GFRA2: variants seen among roughly 807,000 people sequenced by gnomAD.
GFRA2 encodes the protein GDNF family receptor alpha-2.
In GFRA2, 17 loss-of-function variants were observed where a neutral mutation model predicts 48.3. The ratio of observed to expected loss-of-function variants is 0.35; its 90% CI spans 0.24 to 0.53. The LOEUF is 0.53. Ranked by LOEUF, GFRA2 falls within the 20% of genes least tolerant of loss-of-function variation. The pLI is 0.93. For missense variants in GFRA2, 660 were observed against 637.3 expected, an observed-to-expected ratio of 1.04 and a Z score of -0.38; for synonymous variants, 305 against 257.2, an observed-to-expected ratio of 1.19 and a Z score of -1.78.
intron 4 of GFRA2, among the ~76,000 whole-genome samples, chr8:21,716,316 A>AG (rs1432122746): frequency 3.3e-5 from 5 of 151,518 alleles, no homozygotes; most frequent in Admixed American, 3.3e-4. Flanking sequence ...AAGAAAAAAA[A>AG]AAAAAGACAG....
At chr8:21,790,185 G>C (rs951863940), upstream of GFRA2, 19 of 784,542 alleles carry the variant, frequency 2.4e-5, no homozygotes, top group African/African-American at 2.8e-4. Flanking sequence ...CGGCGAGAGC[G>C]GGAGAGGCGC....
intron 2 of GFRA2, among the ~76,000 whole-genome samples, chr8:21,803,696 A>G (rs1807809592): frequency 6.6e-6 from 1 of 152,204 alleles, no homozygotes; most frequent in African/African-American, 2.4e-5. Context: ...GCAGTGGCAC[A>G]ATCATAGCTC....
At chr8:21,760,308 AAGG>A (rs1157286867) in intron 3 of GFRA2, among the ~76,000 whole-genome samples, 5 of 152,202 alleles carry the variant, frequency 3.3e-5, no homozygotes, top group Non-Finnish European at 5.9e-5. Context: ...TGAAGCAGAA[AAGG>A]AGACCAGTCA....
intron 3 of GFRA2, 26 bp downstream of exon 3, chr8:21,774,946 C>G (rs911665251): frequency 4.4e-6 from 6 of 1,350,940 alleles, no homozygotes; most frequent in Non-Finnish European, 6.4e-6. Context: ...GGAGAACGGG[C>G]CAAGTCCCAG....
intron 3 of GFRA2, among the ~76,000 whole-genome samples, chr8:21,761,850 T>G (rs1477937841): frequency 6.6e-6 from 1 of 152,064 alleles, no homozygotes; most frequent in East Asian, 1.9e-4. Flanking sequence ...CTCGGGAGGC[T>G]GAGGCACGAG....
intron 4 of GFRA2, among the ~76,000 whole-genome samples, chr8:21,744,299 G>A (rs1804887945): frequency 6.6e-6 from 1 of 152,210 alleles, no homozygotes; most frequent in South Asian, 2.1e-4. Context: ...GACAAGGGCA[G>A]TGTCCACTGC....
At chr8:21,737,750 C>T (rs1439666887) in intron 4 of GFRA2, among the ~76,000 whole-genome samples, 1 of 152,162 alleles carries the variant, frequency 6.6e-6, no homozygotes, top group African/African-American at 2.4e-5. Context: ...CCACACCACT[C>T]TCCCTGGCTC....
At chr8:21,749,277 A>C in intron 4 of GFRA2, among the ~76,000 whole-genome samples, 1 of 150,946 alleles carries the variant, frequency 6.6e-6, no homozygotes, top group East Asian at 1.9e-4. Context: ...TAATGAGGCT[A>C]CACTTGGTAA....
chr8:21,706,335 GCT>G (rs1204968399), intron 4 of GFRA2: 1 of 534,988 alleles, frequency 1.9e-6, no homozygotes, highest in African/African-American at 1.9e-5. Flanking sequence ...GCTCTAAATG[GCT>G]CTTTTAGGCT....
intron 4 of GFRA2, among the ~76,000 whole-genome samples, chr8:21,708,168 G>A (rs1024760689): frequency 4.6e-5 from 7 of 152,240 alleles, no homozygotes; most frequent in Non-Finnish European, 7.3e-5. Flanking sequence ...TGCACCTCAG[G>A]AAAGCAATGT....
intron 2 of GFRA2, among the ~76,000 whole-genome samples, chr8:21,798,479 T>G (rs1807715881): frequency 6.6e-6 from 1 of 152,154 alleles, no homozygotes; most frequent in Admixed American, 6.5e-5. Context: ...CCAGTTCACC[T>G]CATGGAATGA....
At chr8:21,794,996 G>GCAC (rs1363682446) in intron 2 of GFRA2, among the ~76,000 whole-genome samples, 3 of 152,194 alleles carry the variant, frequency 2.0e-5, no homozygotes, top group African/African-American at 7.2e-5. Flanking sequence ...TTAGAGGTAG[G>GCAC]CACCGGCAGG....
chr8:21,773,440 A>T (rs1390292397), intron 3 of GFRA2, among the ~76,000 whole-genome samples: 2 of 152,102 alleles, frequency 1.3e-5, no homozygotes, highest in African/African-American at 4.8e-5. Flanking sequence ...GGCATCCAAG[A>T]TTTCTCCCAC....
rs148033575 is a variant in GFRA2, at chr8:21,750,071, A to ATGTG, written c.794+513_794+516dup. ...TATGTAAGTATATATATGTGTATAT[A>ATGTG]TGTGTGTGTGTGTGTATACACACAC... On this transcript the variant is annotated intron_variant, in intron 4 of 8. Coordinates refer to ENST00000524240, the MANE Select transcript of GFRA2 (RefSeq NM_001495.5). The surrounding 1 kb of genome is among the most constrained non-coding windows in gnomAD (Gnocchi z 5.7). Among the ~76,000 whole-genome samples the ATGTG allele has an allele frequency of 6.0e-5, 9 of 149,932 alleles. No individual in the cohort carries two copies. Among genetic ancestry groups the ATGTG allele is most frequent in the African/African-American group, 1.2e-4 (5 of 40,580 alleles).
Position 21,692,835 on chromosome 8 carries a change from C to G in GFRA2, c.*443G>C, listed in dbSNP as rs1801939970. 6.5e-6 allele frequency: 1 copy of G among 153,234 alleles called. No homozygotes were observed. The highest frequency in any genetic ancestry group is 2.4e-5 in the African/African-American group (1 of 41,502). The allele number at this position is 153,234 out of a possible 1,614,324, so 9.5% of individuals were successfully genotyped here. A position where few individuals can be genotyped will look rare whatever the true frequency, so the allele number is the denominator to read the frequency against. On this transcript the variant is annotated 3_prime_UTR_variant, in exon 9 of 9. Transcript: ENST00000524240. ...AGCCCCGCTGCCCCGCTGACCGATGCCCTCTGCCAGCCCCCAGCGGGTCCC... is the reference window on the plus strand; with the variant it reads ...AGCCCCGCTGCCCCGCTGACCGATGGCCTCTGCCAGCCCCCAGCGGGTCCC...
In GFRA2 at chr8:21,795,299, G is replaced by T. The variant is rs1316660029; in HGVS notation, c.-35-7105C>A. On this transcript the variant is annotated intron_variant, in intron 2 of 10. Coordinates refer to the GFRA2 transcript ENST00000517328. ...GAAGTCCTTACAACATCCCTGGGAG[G>T]GGGGCGTGAGAGAATTAATTTCCCT... Among the ~76,000 whole-genome samples the T allele has an allele frequency of 3.9e-5, 6 of 152,240 alleles. No homozygotes were observed. The East Asian group carries it at 9.6e-4, about 24-fold the overall frequency.
chr8:21,793,281 A>T (rs1807609926), upstream of GFRA2, among the ~76,000 whole-genome samples: 1 of 152,154 alleles, frequency 6.6e-6, no homozygotes, highest in African/African-American at 2.4e-5. Flanking sequence ...GATTGATCTG[A>T]TGACTGTGTG....
At chr8:21,789,584 G>A (rs1156254612), upstream of GFRA2, among the ~76,000 whole-genome samples, 4 of 152,176 alleles carry the variant, frequency 2.6e-5, no homozygotes, top group Admixed American at 1.3e-4. Flanking sequence ...GCCAGGGAAA[G>A]GAATTATCCC....
chr8:21,701,470 A>G (rs563631961), intron 7 of GFRA2, among the ~76,000 whole-genome samples: 5 of 152,344 alleles, frequency 3.3e-5, no homozygotes, highest in African/African-American at 1.2e-4. Flanking sequence ...TTTCTCTGAG[A>G]AGAAGCCTGG....
Sources: allele counts gnomAD v4.1 joint callset (sites outside exome capture counted in the v4.1 genomes callset), GRCh38; gene constraint gnomAD v4.1.1; non-coding constraint Gnocchi (gnomAD v3.1); transcripts MANE v1.5; gene names NCBI Gene and HGNC (gene_info 2026-07-23, HGNC 2026-07-21).